HMCN1: variants seen among roughly 807,000 people sequenced by gnomAD.
HMCN1 encodes hemicentin 1.
In HMCN1, 321 loss-of-function variants were observed where a neutral mutation model predicts 625.9. That is an observed-to-expected ratio of 0.51 (90% CI 0.47 to 0.56). HMCN1 has a LOEUF of 0.56. HMCN1 is among the 20% of genes least tolerant of loss of function. The probability of loss-of-function intolerance (pLI) is 0.00; values close to 1 mark genes in which losing one functional copy is unlikely to be tolerated. For missense variants in HMCN1, 6,588 were observed against 6,887.3 expected (o/e 0.96, Z 1.54); for synonymous variants, 2,425 against 2,417.6 (o/e 1.00, Z -0.09).
intron 41 of HMCN1, among the ~76,000 whole-genome samples, chr1:186,046,699 T>A (rs1486702284): frequency 6.6e-6 from 1 of 151,986 alleles, no homozygotes; most frequent in East Asian, 1.9e-4. Flanking sequence ...TAACGGTAGA[T>A]GAGATAAAAA....
At chr1:185,988,459 T>C (rs545727579) in intron 20 of HMCN1, among the ~76,000 whole-genome samples, 1 of 152,332 alleles carries the variant, frequency 6.6e-6, no homozygotes, top group East Asian at 1.9e-4. Context: ...TTTATCTATC[T>C]AAAAATCTCT....
chr1:186,035,109 CT>C (rs1655732414), intron 36 of HMCN1, among the ~76,000 whole-genome samples: 1 of 151,992 alleles, frequency 6.6e-6, no homozygotes, highest in South Asian at 2.1e-4. Context: ...TCCTTTTTTT[CT>C]TTTCCAGTTG....
intron 100 of HMCN1, among the ~76,000 whole-genome samples, chr1:186,170,915 C>T (rs1652187261): frequency 6.6e-6 from 1 of 152,152 alleles, no homozygotes; most frequent in Non-Finnish European, 1.5e-5. Flanking sequence ...GTGATAAAGA[C>T]TTGCACCAAG....
chr1:185,812,506 AT>A (rs1160386201), intron 1 of HMCN1, among the ~76,000 whole-genome samples: 1 of 152,174 alleles, frequency 6.6e-6, no homozygotes, highest in East Asian at 1.9e-4. Context: ...TTATCGATTC[AT>A]TATATAACAT....
intron 64 of HMCN1, 78 bp from the exon 65 acceptor site, chr1:186,093,056 G>T: frequency 6.3e-7 from 1 of 1,591,132 alleles, no homozygotes; most frequent in South Asian, 1.1e-5. Flanking sequence ...TTCAGTAACT[G>T]ATTTTAATAG....
chr1:185,892,585 G>A (rs571063712), intron 4 of HMCN1, among the ~76,000 whole-genome samples: 2 of 152,254 alleles, frequency 1.3e-5, no homozygotes, highest in South Asian at 4.1e-4. Context: ...AGGTGTCAGT[G>A]TGCCCCTGCT....
chr1:186,059,094 A>C (rs1320417900), intron 46 of HMCN1, among the ~76,000 whole-genome samples: 2 of 152,004 alleles, frequency 1.3e-5, no homozygotes, highest in Admixed American at 1.3e-4. Flanking sequence ...TATGGTAAGC[A>C]TCCAATACCT....
chr1:186,000,818 A>G (rs984768495), intron 26 of HMCN1, among the ~76,000 whole-genome samples: 4 of 151,956 alleles, frequency 2.6e-5, no homozygotes, highest in African/African-American at 9.7e-5. Flanking sequence ...TCTGTTAATG[A>G]TGAGCGTGTA....
rs759577934 is a variant in HMCN1, at chr1:186,153,739, G to T, written c.15019-11G>T. The T allele has an allele frequency of 1.2e-6, 2 of 1,609,318 alleles. No individual in the cohort carries two copies. Among genetic ancestry groups the T allele is most frequent in the South Asian group, 1.1e-5 (1 of 90,996 alleles). On this transcript the variant is annotated splice_polypyrimidine_tract_variant and intron_variant, in intron 96 of 106. Transcript: ENST00000271588. ...CCATATTGATCTTCAAATCCACATT[G>T]TTCTCCTTAGGATTACACAGAGGAC...
At chr1:185,770,171 A>C (rs1239301476) in intron 1 of HMCN1, among the ~76,000 whole-genome samples, 2 of 152,218 alleles carry the variant, frequency 1.3e-5, no homozygotes, top group African/African-American at 4.8e-5. Flanking sequence ...CCTCAAAAAC[A>C]TCACCACTCT....
At chr1:186,030,226 A>G (rs1347474290) in intron 36 of HMCN1, among the ~76,000 whole-genome samples, 1 of 152,078 alleles carries the variant, frequency 6.6e-6, no homozygotes, top group Non-Finnish European at 1.5e-5. Flanking sequence ...AGGTTGTGCA[A>G]GTCTTCTATC....
intron 1 of HMCN1, among the ~76,000 whole-genome samples, chr1:185,745,490 C>A (rs545655901): frequency 1.3e-5 from 2 of 152,104 alleles, no homozygotes; most frequent in African/African-American, 2.4e-5. Flanking sequence ...ATGCACTTTC[C>A]TTATGGGGAG....
chr1:185,760,625 T>C (rs1655433784), intron 1 of HMCN1, among the ~76,000 whole-genome samples: 1 of 152,160 alleles, frequency 6.6e-6, no homozygotes, highest in African/African-American at 2.4e-5. Flanking sequence ...GTCCTTTCCC[T>C]TATAGGGCAT....
At chr1:185,774,292 T>A (rs879660495) in intron 1 of HMCN1, among the ~76,000 whole-genome samples, 7 of 152,168 alleles carry the variant, frequency 4.6e-5, no homozygotes, top group Admixed American at 1.3e-4. Flanking sequence ...TTGGAATAGA[T>A]GTGAAGGGCT....
chr1:185,850,784 T>TC (rs1662113417), intron 2 of HMCN1, among the ~76,000 whole-genome samples: 1 of 151,924 alleles, frequency 6.6e-6, no homozygotes. Context: ...CTTTTTTTTT[T>TC]CTCCCCTTTT....
At chr1:186,126,751 G>A (rs1465733491) in intron 82 of HMCN1, among the ~76,000 whole-genome samples, 3 of 152,176 alleles carry the variant, frequency 2.0e-5, no homozygotes, top group Non-Finnish European at 2.9e-5. Flanking sequence ...GTGATAAATG[G>A]AGGCCAAATC....
In HMCN1 at chr1:186,128,181, T is replaced by G. The variant is rs777291479; in HGVS notation, c.12794T>G (p.Leu4265Arg). The G allele has an allele frequency of 6.2e-7, 1 of 1,613,738 alleles. No homozygotes were observed. Among genetic ancestry groups the G allele is most frequent in the Non-Finnish European group, 8.5e-7 (1 of 1,179,772 alleles). Reference protein sequence around the residue: ...TVHVLPTFTELPGDVSLNKGE... With the variant: ...TVHVLPTFTERPGDVSLNKGE... ...CATGTTCTCCCCACTTTTACTGAAC[T>G]TCCTGGAGACGTGTCATTAAATAAA... Residue 4265 changes from leucine to arginine, a missense_variant, in exon 83 of 107, where the codon CTT (leucine) becomes CGT (arginine). By Grantham distance (102) the Leu-to-Arg change is moderately radical. Transcript: ENST00000271588.
intron 11 of HMCN1, among the ~76,000 whole-genome samples, chr1:185,961,298 G>A (rs914193402): frequency 6.6e-6 from 1 of 152,124 alleles, no homozygotes; most frequent in African/African-American, 2.4e-5. Flanking sequence ...CTAACTTACA[G>A]GAAAGATATA....
At chr1:185,959,277 G>A (rs1255291688) in intron 11 of HMCN1, among the ~76,000 whole-genome samples, 5 of 152,134 alleles carry the variant, frequency 3.3e-5, no homozygotes, top group Non-Finnish European at 4.4e-5. Context: ...GACAGGAAAT[G>A]TGTCTCCTGA....
Sources: allele counts gnomAD v4.1 joint callset (sites outside exome capture counted in the v4.1 genomes callset), GRCh38; gene constraint gnomAD v4.1.1; transcripts MANE v1.5; gene names NCBI Gene and HGNC (gene_info 2026-07-23, HGNC 2026-07-21).